EYS: variants seen among roughly 807,000 people sequenced by gnomAD.
EYS encodes the protein protein eyes shut homolog.
Under a neutral mutation model 282.1 loss-of-function variants are expected in EYS, and 250 were observed. That is an observed-to-expected ratio of 0.89 (90% CI 0.80 to 0.98). EYS has a LOEUF of 0.98. Ranked by LOEUF, EYS falls within the 50% of genes least tolerant of loss-of-function variation. The probability of loss-of-function intolerance (pLI) is 0.00; values close to 1 mark genes in which losing one functional copy is unlikely to be tolerated. For missense variants in EYS, 4,016 were observed against 3,709.0 expected, an observed-to-expected ratio of 1.08 and a Z score of -2.15; for synonymous variants, 1,355 against 1,282.9, an observed-to-expected ratio of 1.06 and a Z score of -1.20.
intron 26 of EYS, among the ~76,000 whole-genome samples, chr6:64,535,619 A>G (rs1764495251): frequency 6.7e-6 from 1 of 150,082 alleles, no homozygotes; most frequent in Non-Finnish European, 1.5e-5. Context: ...GTGTGCCTGT[A>G]CTCCCAGCTA....
intron 1 of EYS, among the ~76,000 whole-genome samples, chr6:65,649,356 G>T (rs1767572268): frequency 6.6e-6 from 1 of 151,820 alleles, no homozygotes; most frequent in African/African-American, 2.4e-5. Context: ...TTTTCTGAAA[G>T]TGTGTCCAAT....
Position 64,388,830 on chromosome 6 carries a change from C to T in EYS, c.5938G>A (p.Asp1980Asn). ...KYTLLIRQEL[D>N]PCNAELTILG... ...ATAGTCAGCTCAGCGTTACATGGAT[C>T]CAATTCTTGCCTGTAACCATTTAAG... is the stretch of plus-strand genomic sequence containing the variant. Residue 1980 changes from aspartate (D) to asparagine (N), a missense_variant, in exon 29 of 43, where the codon GAT (aspartate) becomes AAT (asparagine). Physicochemically the swap from Asp to Asn is conservative, Grantham distance 23. Coordinates refer to ENST00000503581, the MANE Select transcript of EYS (RefSeq NM_001142800.2). 1 of 1,501,762 alleles carries T rather than the reference C, an allele frequency of 6.7e-7. No homozygotes were observed. Among genetic ancestry groups the T allele is most frequent in the Non-Finnish European group, 8.9e-7 (1 of 1,125,106 alleles). 93.0% of individuals were successfully genotyped at this position (1,501,762 alleles called of 1,614,324 possible).
intron 22 of EYS, among the ~76,000 whole-genome samples, chr6:64,744,168 A>C (rs949190341): frequency 6.6e-6 from 1 of 152,200 alleles, no homozygotes; most frequent in African/African-American, 2.4e-5. Context: ...CTTTAGAAAC[A>C]ACACAGTTTT....
At chr6:65,666,031 G>A (rs1768187663) in intron 1 of EYS, among the ~76,000 whole-genome samples, 1 of 151,630 alleles carries the variant, frequency 6.6e-6, no homozygotes, top group Non-Finnish European at 1.5e-5. Context: ...ACCATCTCCA[G>A]GCATACGTAT....
At chr6:64,739,675 C>T (rs1179445764) in intron 22 of EYS, among the ~76,000 whole-genome samples, 4 of 152,080 alleles carry the variant, frequency 2.6e-5, no homozygotes, top group African/African-American at 7.2e-5. Context: ...AGAATAAAAA[C>T]CTTGATTGCT....
chr6:63,904,866 A>T (rs886705295), intron 35 of EYS, among the ~76,000 whole-genome samples: 1 of 152,262 alleles, frequency 6.6e-6, no homozygotes, highest in Non-Finnish European at 1.5e-5. Flanking sequence ...CAGACAAATT[A>T]GAAAGGCCTC....
intron 12 of EYS, among the ~76,000 whole-genome samples, chr6:65,062,476 T>TA (rs1253739748): frequency 1.3e-5 from 2 of 151,970 alleles, no homozygotes; most frequent in African/African-American, 2.4e-5. Context: ...ACTCTTACTC[T>TA]AATGCAGTGC....
At chr6:64,806,896 C>A (rs2150011730) in intron 22 of EYS, among the ~76,000 whole-genome samples, 1 of 152,112 alleles carries the variant, frequency 6.6e-6, no homozygotes, top group East Asian at 1.9e-4. Context: ...TTTTATAAAT[C>A]ATTTCCTAAA....
At chr6:63,725,398 A>T (rs1016337950) in intron 42 of EYS, among the ~76,000 whole-genome samples, 1 of 152,154 alleles carries the variant, frequency 6.6e-6, no homozygotes, top group Admixed American at 6.5e-5. Flanking sequence ...TCCTGAATAT[A>T]CCTTGATTTT....
At chr6:65,533,123 T>C (rs566141499) in intron 2 of EYS, among the ~76,000 whole-genome samples, 2 of 152,160 alleles carry the variant, frequency 1.3e-5, no homozygotes, top group South Asian at 2.1e-4. Context: ...CCATATTAAA[T>C]AGAAAATAAG....
intron 35 of EYS, among the ~76,000 whole-genome samples, chr6:63,920,777 C>G (rs1050816267): frequency 6.6e-6 from 1 of 152,194 alleles, no homozygotes. Context: ...CTTGGTCCAC[C>G]TAGGACAGGC....
At chr6:64,916,703 T>G (rs966223449) in intron 15 of EYS, among the ~76,000 whole-genome samples, 3 of 151,838 alleles carry the variant, frequency 2.0e-5, no homozygotes, top group Non-Finnish European at 2.9e-5. Flanking sequence ...AAAAAAAAAA[T>G]GCAAAGCACA....
At chr6:65,684,932 C>T (rs1768960812) in intron 1 of EYS, among the ~76,000 whole-genome samples, 1 of 151,928 alleles carries the variant, frequency 6.6e-6, no homozygotes, top group Non-Finnish European at 1.5e-5. Flanking sequence ...CTGTTGTTCC[C>T]CTCTTTGTGT....
At chr6:65,620,903 CTGT>C (rs1766453421) in intron 2 of EYS, among the ~76,000 whole-genome samples, 1 of 152,204 alleles carries the variant, frequency 6.6e-6, no homozygotes, top group Non-Finnish European at 1.5e-5. Flanking sequence ...TTTGATAGCA[CTGT>C]GGTCTGAGAG....
chr6:63,938,613 G>T (rs1474213743), intron 35 of EYS, among the ~76,000 whole-genome samples: 1 of 152,222 alleles, frequency 6.6e-6, no homozygotes, highest in Non-Finnish European at 1.5e-5. Flanking sequence ...ATCTGTAAAT[G>T]ATTCTATAAA....
chr6:64,753,227 G>T (rs1435639090), intron 22 of EYS, among the ~76,000 whole-genome samples: 1 of 151,962 alleles, frequency 6.6e-6, no homozygotes, highest in Non-Finnish European at 1.5e-5. Context: ...ACTATGACAG[G>T]AACAGACTCA....
At chr6:65,246,680 C>T (rs933480378) in intron 12 of EYS, among the ~76,000 whole-genome samples, 1 of 152,052 alleles carries the variant, frequency 6.6e-6, no homozygotes, top group Admixed American at 6.6e-5. Flanking sequence ...GTATGTTTTA[C>T]TGTAGTCTTC....
chr6:63,774,112 T>A (rs1770000699), intron 40 of EYS, among the ~76,000 whole-genome samples: 1 of 152,184 alleles, frequency 6.6e-6, no homozygotes, highest in East Asian at 1.9e-4. Context: ...ACTTATTGTC[T>A]GTGCCACTCA....
intron 35 of EYS, among the ~76,000 whole-genome samples, chr6:63,876,217 A>C (rs986724316): frequency 3.3e-5 from 5 of 152,032 alleles, no homozygotes; most frequent in African/African-American, 1.2e-4. Context: ...TTCTGCCTTC[A>C]TTTCGTTATG....
Sources: allele counts gnomAD v4.1 joint callset (sites outside exome capture counted in the v4.1 genomes callset), GRCh38; gene constraint gnomAD v4.1.1; transcripts MANE v1.5; gene names NCBI Gene and HGNC (gene_info 2026-07-23, HGNC 2026-07-21).